The following PHLPP1 variants were observed in gnomAD, a reference collection of about 807,000 sequenced individuals.
PHLPP1 encodes the protein PH domain leucine-rich repeat-containing protein phosphatase 1.
A neutral mutation model predicts 117.2 loss-of-function variants in PHLPP1; 42 were observed. The ratio of observed to expected loss-of-function variants is 0.36; its 90% CI spans 0.28 to 0.46. PHLPP1 has a LOEUF of 0.46. Among genes scored for constraint, PHLPP1 ranks in the 20% least tolerant of loss-of-function variants. PHLPP1 has a pLI of 1.00. For synonymous variants in PHLPP1, 1,042 were observed against 970.7 expected, an observed-to-expected ratio of 1.07 and a Z score of -1.37; for missense variants, 2,084 against 2,241.9, an observed-to-expected ratio of 0.93 and a Z score of 1.42.
intron 3 of PHLPP1, among the ~76,000 whole-genome samples, chr18:62,856,446 G>C (rs371567828): frequency 2.6e-5 from 4 of 152,224 alleles, no homozygotes; most frequent in South Asian, 2.1e-4. Context: ...TTACAAATTT[G>C]AGACAGGGTC....
chr18:62,966,054 G>A (rs1599145197), intron 14 of PHLPP1, among the ~76,000 whole-genome samples: 1 of 152,198 alleles, frequency 6.6e-6, no homozygotes, highest in South Asian at 2.1e-4. Context: ...ATAGAAGCCA[G>A]GTTGCCTGGC....
chr18:62,855,798 A>G (rs1489311292), intron 3 of PHLPP1, among the ~76,000 whole-genome samples: 1 of 152,188 alleles, frequency 6.6e-6, no homozygotes, highest in African/African-American at 2.4e-5. Context: ...TTCATTTGAA[A>G]TGGAATTTGT....
chr18:62,903,596 C>T (rs1167018567), intron 7 of PHLPP1, among the ~76,000 whole-genome samples: 1 of 151,782 alleles, frequency 6.6e-6, no homozygotes, highest in Non-Finnish European at 1.5e-5. Flanking sequence ...AAGAACTCAC[C>T]TTAATATAAA....
At position 62,866,635 on chromosome 18, in the gene PHLPP1, T is replaced by A. The variant is rs757623639; in HGVS notation, c.2066+6034T>A. 1.2e-4 allele frequency among the ~76,000 whole-genome samples: 18 copies of A among 152,160 alleles called. 1 individual carries two copies. The highest frequency in any genetic ancestry group is 2.5e-4 in the Non-Finnish European group (17 of 68,022). On this transcript the variant is annotated intron_variant, in intron 4 of 16. Transcript: ENST00000262719. ...TTTAAATTTGAGTATTTCATAATAATCCAAACATTTTAAACCTAAATAAAA... is the reference window on the plus strand; with the variant it reads ...TTTAAATTTGAGTATTTCATAATAAACCAAACATTTTAAACCTAAATAAAA...
intron 12 of PHLPP1, among the ~76,000 whole-genome samples, chr18:62,953,193 A>G (rs1478558370): frequency 6.6e-6 from 1 of 152,234 alleles, no homozygotes; most frequent in East Asian, 1.9e-4. Flanking sequence ...CTATAGCATC[A>G]TAAGAAAGGG....
chr18:62,934,132 G>C (rs373251045), intron 10 of PHLPP1, among the ~76,000 whole-genome samples: 5 of 152,268 alleles, frequency 3.3e-5, no homozygotes, highest in African/African-American at 9.6e-5. Flanking sequence ...ATGTGAATTA[G>C]TTCAACCCCT....
intron 10 of PHLPP1, among the ~76,000 whole-genome samples, chr18:62,929,338 G>T (rs1324620642): frequency 6.6e-6 from 1 of 152,068 alleles, no homozygotes; most frequent in Non-Finnish European, 1.5e-5. Flanking sequence ...GCTTTTAGTA[G>T]TAATTTAAAT....
chr18:62,891,184 C>T (rs1916397695), intron 4 of PHLPP1, among the ~76,000 whole-genome samples: 1 of 152,200 alleles, frequency 6.6e-6, no homozygotes, highest in Admixed American at 6.5e-5. Flanking sequence ...TACTGTGTTT[C>T]ATATGGCAAT....
intron 1 of PHLPP1, among the ~76,000 whole-genome samples, chr18:62,758,520 C>G (rs1305242400): frequency 6.6e-6 from 1 of 151,866 alleles, no homozygotes; most frequent in East Asian, 1.9e-4. Flanking sequence ...GTCACAGAAA[C>G]CCCTAATTAG....
chr18:62,889,105 T>G (rs889347265), intron 4 of PHLPP1, among the ~76,000 whole-genome samples: 2 of 152,234 alleles, frequency 1.3e-5, no homozygotes, highest in African/African-American at 2.4e-5. Context: ...ACAACAGATG[T>G]GTTTTAATGT....
chr18:62,897,453 GA>G (rs778502725), intron 6 of PHLPP1, among the ~76,000 whole-genome samples: 4 of 152,118 alleles, frequency 2.6e-5, no homozygotes, highest in Non-Finnish European at 5.9e-5. Context: ...GGGAAAATCA[GA>G]TAGGTTTGTT....
intron 16 of PHLPP1, among the ~76,000 whole-genome samples, chr18:62,975,993 A>G (rs2067590736): frequency 6.6e-6 from 1 of 152,198 alleles, no homozygotes; most frequent in Non-Finnish European, 1.5e-5. Flanking sequence ...TCTAAGCCTC[A>G]GTTTTCTCAT....
At chr18:62,811,986 A>T (rs893809819) in intron 1 of PHLPP1, among the ~76,000 whole-genome samples, 2 of 152,178 alleles carry the variant, frequency 1.3e-5, no homozygotes, top group Non-Finnish European at 2.9e-5. Context: ...ATTTTTGTTT[A>T]TAAAAGACTA....
intron 4 of PHLPP1, among the ~76,000 whole-genome samples, chr18:62,866,325 A>G (rs1203863792): frequency 6.6e-6 from 1 of 151,480 alleles, no homozygotes; most frequent in Non-Finnish European, 1.5e-5. Context: ...ACTTACTGCA[A>G]CCTCCGCCCC....
intron 1 of PHLPP1, among the ~76,000 whole-genome samples, chr18:62,820,659 T>C (rs552011594): frequency 1.3e-5 from 2 of 152,328 alleles, no homozygotes; most frequent in African/African-American, 4.8e-5. Flanking sequence ...CTTCCCCTTC[T>C]ACCATGATTG....
In PHLPP1 at chr18:62,975,479, T is replaced by C. The variant is rs372627474; in HGVS notation, c.3838T>C (p.Ser1280Pro). Residue 1280 changes from serine (S) to proline (P), a missense_variant, in exon 16 of 17, where the codon TCC becomes CCC. By Grantham distance (74) the Ser-to-Pro change is moderately conservative. Around this residue, in one of 2 missense-constraint regions of PHLPP1, gnomAD observed 1,365 missense variants for 1,605.9 expected, o/e 0.85. Transcript: ENST00000262719. ...GCATGACCCTGTGGATCCAGGAGGATCCTTCACCTTGACCTCTGCTAATGT... is the reference window on the plus strand; with the variant it reads ...GCATGACCCTGTGGATCCAGGAGGACCCTTCACCTTGACCTCTGCTAATGT... The part of the protein sequence containing the change: ...IKHDPVDPGG[S>P]FTLTSANVGK... 1.9e-6 allele frequency: 3 copies of C among 1,613,762 alleles called. No homozygotes were observed. The African/African-American group carries it at 4.0e-5, about 22-fold the overall frequency.
intron 12 of PHLPP1, among the ~76,000 whole-genome samples, chr18:62,952,279 G>C (rs1018149387): frequency 6.6e-6 from 1 of 152,108 alleles, no homozygotes; most frequent in Non-Finnish European, 1.5e-5. Context: ...AAAAAAAGAA[G>C]GGATGATGTA....
chr18:62,797,211 A>G (rs989495096), intron 1 of PHLPP1, among the ~76,000 whole-genome samples: 2 of 152,204 alleles, frequency 1.3e-5, no homozygotes, highest in Non-Finnish European at 2.9e-5. Context: ...CTTTTCCGAA[A>G]GATGTTCACA....
chr18:62,849,981 G>A (rs1329192241), intron 3 of PHLPP1, among the ~76,000 whole-genome samples: 1 of 150,428 alleles, frequency 6.6e-6, no homozygotes, highest in Non-Finnish European at 1.5e-5. Context: ...ATTTTATAAA[G>A]TAGGAAGTAG....
Sources: allele counts gnomAD v4.1 joint callset (sites outside exome capture counted in the v4.1 genomes callset), GRCh38; gene constraint gnomAD v4.1.1; regional missense constraint gnomAD v4.1.1; transcripts MANE v1.5; gene names NCBI Gene and HGNC (gene_info 2026-07-23, HGNC 2026-07-21).